Variants in DGKE observed in about 807,000 individuals in gnomAD.
DGKE encodes DAG kinase epsilon.
Under a neutral mutation model 70.0 loss-of-function variants are expected in DGKE, and 53 were observed. That is an observed-to-expected ratio of 0.76 (90% CI 0.61 to 0.95). The LOEUF (loss-of-function observed/expected upper bound fraction) is 0.95. Ranked by LOEUF, DGKE falls within the 40% of genes least tolerant of loss-of-function variation. DGKE has a pLI of 0.00. For synonymous variants in DGKE, 291 were observed against 257.0 expected (o/e 1.13, Z -1.27); for missense variants, 655 against 706.9 (o/e 0.93, Z 0.83).
rs35335003 is a variant in DGKE at position 56,856,005 on chromosome 17, C to CAA, written c.1099-492_1099-491dup. On this transcript the variant is annotated intron_variant, in intron 7 of 11. Coordinates refer to ENST00000284061, the MANE Select transcript of DGKE (RefSeq NM_003647.3). ...AGGGCGACAGTCCGAGACTCCATCT[C>CAA]AAAAAAAAAAAAAAAAGGCTAAATT... Among the ~76,000 whole-genome samples the CAA allele has an allele frequency of 2.2e-3, 262 of 120,080 alleles. 2 individuals carry two copies. Among genetic ancestry groups the CAA allele is most frequent in the Middle Eastern group, 7.7e-3 (2 of 260 alleles). 78.8% of individuals were successfully genotyped at this position (120,080 alleles called of 152,430 possible). A position where few individuals can be genotyped will look rare whatever the true frequency, so the allele number is the denominator to read the frequency against.
chr17:56,845,716 G>C lies in DGKE; in HGVS notation c.651G>C (p.Trp217Cys). The C allele has an allele frequency of 1.9e-6, 3 of 1,611,810 alleles. No individual in the cohort carries two copies. Among genetic ancestry groups the C allele is most frequent in the Non-Finnish European group, 2.5e-6 (3 of 1,178,876 alleles). ...TAGCCTCTAAGCTTGGAAAGCAGTG[G>C]ACCCCATTAATAATCCTGGCCAACT... ...EVLASKLGKQ[W>C]TPLIILANSR... is the part of the protein sequence containing the mutation. Residue 217 changes from tryptophan (W) to cysteine (C), a missense_variant, in exon 4 of 12, where the codon TGG (tryptophan) becomes TGC (cysteine). Trp to Cys is a radical substitution (Grantham distance 215). Transcript: ENST00000284061.
rs1205739659 is a variant in DGKE, at chr17:56,866,158, T to A, written c.*3367T>A. 1 of 152,256 alleles carries A rather than the reference T, an allele frequency of 6.6e-6. No individual in the cohort carries two copies. The highest frequency in any genetic ancestry group is 1.9e-4 in the East Asian group (1 of 5,206). The allele number at this position is 152,256 out of a possible 1,614,324, so 9.4% of individuals were successfully genotyped here. On this transcript the variant is annotated 3_prime_UTR_variant, in exon 12 of 12. Coordinates refer to ENST00000284061, the MANE Select transcript of DGKE (RefSeq NM_003647.3). ...GAAAAGGTGGTTTGGGTTTTGCTTT[T>A]AAACAGTGTCCCCCTGTCTTTTTCA... is the stretch of plus-strand genomic sequence containing the variant.
intron 2 of DGKE, among the ~76,000 whole-genome samples, chr17:56,837,723 A>C (rs1906716133): frequency 6.6e-6 from 1 of 152,240 alleles, no homozygotes; most frequent in East Asian, 1.9e-4. Flanking sequence ...TCTAGCCCTG[A>C]GGAGAGCTCC....
At chr17:56,849,648 A>G (rs986830435) in intron 7 of DGKE, among the ~76,000 whole-genome samples, 1 of 152,262 alleles carries the variant, frequency 6.6e-6, no homozygotes, top group African/African-American at 2.4e-5. Flanking sequence ...GGATGAGGAC[A>G]ATGCAAAGAC....
In DGKE at chr17:56,863,869, CTTTA is replaced by C. The variant is rs529483656; in HGVS notation, c.*1083_*1086del. ...TGTGTTTAGTGTTTACGTTCTGTAG[CTTTA>C]TTTAATAAGTTAAATTGATCACATA... On this transcript the variant is annotated 3_prime_UTR_variant, in exon 12 of 12. Transcript: ENST00000284061. 1.2e-4 allele frequency: 18 copies of C among 152,268 alleles called. No homozygotes were observed. The highest frequency in any genetic ancestry group is 4.1e-4 in the African/African-American group (17 of 41,546). 9.4% of individuals were successfully genotyped at this position (152,268 alleles called of 1,614,324 possible).
chr17:56,857,691 C>A (rs952109749), intron 8 of DGKE, among the ~76,000 whole-genome samples: 2 of 151,986 alleles, frequency 1.3e-5, no homozygotes, highest in Admixed American at 6.5e-5. Context: ...ATCTGAAGTA[C>A]TAGGAAAAAG....
intron 2 of DGKE, among the ~76,000 whole-genome samples, chr17:56,839,542 G>A (rs951988916): frequency 1.2e-4 from 18 of 152,042 alleles, no homozygotes; most frequent in African/African-American, 4.1e-4. Flanking sequence ...TTTGAGACAG[G>A]GTCTTACTCT....
chr17:56,848,659 T>G (rs1457404667), intron 5 of DGKE, 37 bp from the exon 6 acceptor site: 1 of 1,600,472 alleles, frequency 6.2e-7, no homozygotes, highest in South Asian at 1.1e-5. Context: ...GCAAATAGTC[T>G]GAGAGAAAAA....
At chr17:56,852,820 T>G (rs1467472078) in intron 7 of DGKE, among the ~76,000 whole-genome samples, 2 of 152,250 alleles carry the variant, frequency 1.3e-5, no homozygotes, top group African/African-American at 4.8e-5. Context: ...TTAGAAATGT[T>G]GAGCATTTTT....
intron 4 of DGKE, chr17:56,846,186 G>C (rs1907276048): frequency 6.4e-6 from 1 of 155,286 alleles, no homozygotes; most frequent in Non-Finnish European, 1.4e-5. Context: ...CAGCTGATGA[G>C]TTGATAAACA....
chr17:56,837,206 G>A (rs964282998), intron 2 of DGKE, among the ~76,000 whole-genome samples: 1 of 151,720 alleles, frequency 6.6e-6, no homozygotes, highest in African/African-American at 2.4e-5. Flanking sequence ...AGGCATTGCC[G>A]TTTTTTTGTT....
In DGKE at chr17:56,862,761, G is replaced by A. The variant is rs543137837; in HGVS notation, c.1674G>A (p.Ser558=). ...CAGATGATGACATCTCTAGTACTTC[G>A]GATCAAGAAGATATAAAGGCGACTG... ...EQTDDDISST[S]DQEDIKATE is the part of the protein sequence containing the mutation. The change falls in exon 12 of 12, where the codon TCG becomes TCA. Residue 558 remains serine, a synonymous_variant. Transcript: ENST00000284061. The A allele has an allele frequency of 1.1e-5, 18 of 1,586,000 alleles. No individual in the cohort carries two copies. Among genetic ancestry groups the A allele is most frequent in the African/African-American group, 2.7e-5 (2 of 73,264 alleles).
In DGKE at chr17:56,863,682, G is replaced by C. The variant is rs937539980; in HGVS notation, c.*891G>C. ...CTGACTGATAAGTTTTAAAAATTTG[G>C]TGGTCTTGTAGTATTTTGAAATACA... On this transcript the variant is annotated 3_prime_UTR_variant, in exon 12 of 12. Coordinates refer to ENST00000284061, the MANE Select transcript of DGKE (RefSeq NM_003647.3). 1.3e-5 allele frequency: 2 copies of C among 152,188 alleles called. No homozygotes were observed. The highest frequency in any genetic ancestry group is 4.8e-5 in the African/African-American group (2 of 41,444). The allele number at this position is 152,188 out of a possible 1,614,324, so 9.4% of individuals were successfully genotyped here. A position where few individuals can be genotyped will look rare whatever the true frequency, so the allele number is the denominator to read the frequency against.
Position 56,834,771 on chromosome 17 carries a change from T to C in DGKE, c.-18-7T>C, listed in dbSNP as rs1906461330. 6.4e-7 allele frequency: 1 copy of C among 1,561,530 alleles called. No homozygotes were observed. ...CGGGGTGCACCGCCTGTTTCTTTTC[T>C]GGTTAGGTATCGTCCTTGGAGAAGA... On this transcript the variant is annotated splice_polypyrimidine_tract_variant and splice_region_variant and intron_variant, in intron 1 of 11. Coordinates refer to ENST00000284061, the MANE Select transcript of DGKE (RefSeq NM_003647.3).
At chr17:56,850,457 A>G (rs978318928) in intron 7 of DGKE, among the ~76,000 whole-genome samples, 2 of 152,246 alleles carry the variant, frequency 1.3e-5, no homozygotes, top group African/African-American at 4.8e-5. Context: ...GCAAATAGAT[A>G]TATTTAGGTG....
rs1908437704 is a variant in DGKE at position 56,864,214 on chromosome 17, C to G, written c.*1423C>G. 6.6e-6 allele frequency: 1 copy of G among 152,230 alleles called. No homozygotes were observed. The highest frequency in any genetic ancestry group is 2.1e-4 in the South Asian group (1 of 4,834). The allele number at this position is 152,230 out of a possible 1,614,324, so 9.4% of individuals were successfully genotyped here. A position where few individuals can be genotyped will look rare whatever the true frequency, so the allele number is the denominator to read the frequency against. Reference sequence around the variant, plus strand: ...CAGGTCGGCTGACCCAGAGGGCATCCAGCCTGGTGTTTTTCTGACACATGG... The same window carrying G: ...CAGGTCGGCTGACCCAGAGGGCATCGAGCCTGGTGTTTTTCTGACACATGG... On this transcript the variant is annotated 3_prime_UTR_variant, in exon 12 of 12. Transcript: ENST00000284061.
chr17:56,856,435 A>T, intron 7 of DGKE, 77 bp from the exon 8 acceptor site: 2 of 1,446,354 alleles, frequency 1.4e-6, no homozygotes, highest in Non-Finnish European at 1.9e-6. Context: ...GAACACAAAG[A>T]CTAAGATTGA....
At chr17:56,834,639 G>C (rs948906948) in intron 1 of DGKE, 139 bp from the exon 2 acceptor site, 6 of 805,294 alleles carry the variant, frequency 7.5e-6, no homozygotes, top group East Asian at 5.0e-5. Flanking sequence ...CGGGAGACGG[G>C]GGGACGAGGC....
intron 9 of DGKE, among the ~76,000 whole-genome samples, chr17:56,861,183 C>G (rs776975395): frequency 2.0e-5 from 3 of 151,962 alleles, no homozygotes; most frequent in Non-Finnish European, 4.4e-5. Flanking sequence ...AGATAACTGC[C>G]AGGTTTCTGG....
Sources: gnomAD v4.1 joint callset for allele counts (sites outside exome capture counted in the v4.1 genomes callset) on GRCh38, gnomAD v4.1.1 for gene constraint, MANE v1.5 for transcripts, NCBI Gene and HGNC (gene_info 2026-07-23, HGNC 2026-07-21) for gene names.